Variants in SPAG16 observed in about 807,000 individuals in gnomAD.
SPAG16 encodes the protein sperm associated antigen 16.
A neutral mutation model predicts 80.4 loss-of-function variants in SPAG16; 86 were observed. The observed-to-expected ratio is 1.07, with a 90% CI of 0.90 to 1.28. The LOEUF (loss-of-function observed/expected upper bound fraction) is 1.28. Ranked by LOEUF, SPAG16 falls within the 50% of genes most tolerant of loss-of-function variation. The probability of loss-of-function intolerance (pLI) is 0.00; values close to 1 mark genes in which losing one functional copy is unlikely to be tolerated. For synonymous variants in SPAG16, 294 were observed against 265.9 expected, an observed-to-expected ratio of 1.11 and a Z score of -1.03; for missense variants, 870 against 765.3, an observed-to-expected ratio of 1.14 and a Z score of -1.61.
At chr2:213,783,067 TC>T (rs1357571360) in intron 10 of SPAG16, among the ~76,000 whole-genome samples, 5 of 117,448 alleles carry the variant, frequency 4.3e-5, no homozygotes, top group Non-Finnish European at 6.7e-5. Flanking sequence ...CCCACCACAG[TC>T]CCCAGAGTGT....
At chr2:214,277,695 A>T (rs1692577331) in intron 15 of SPAG16, among the ~76,000 whole-genome samples, 1 of 152,184 alleles carries the variant, frequency 6.6e-6, no homozygotes, top group African/African-American at 2.4e-5. Context: ...CCCAGAGGGG[A>T]ACCCACATGT....
intron 5 of SPAG16, among the ~76,000 whole-genome samples, chr2:213,334,993 G>A (rs951272031): frequency 6.6e-6 from 1 of 151,996 alleles, no homozygotes; most frequent in African/African-American, 2.4e-5. Flanking sequence ...GGGGATGGAT[G>A]CTCTATTTTC....
At chr2:213,383,601 A>G (rs1011215700) in intron 9 of SPAG16, among the ~76,000 whole-genome samples, 2 of 152,166 alleles carry the variant, frequency 1.3e-5, no homozygotes, top group African/African-American at 4.8e-5. Context: ...GGTTCCTATT[A>G]CAAGTTTGTA....
At chr2:213,386,104 A>G (rs1559479479) in intron 9 of SPAG16, among the ~76,000 whole-genome samples, 1 of 152,170 alleles carries the variant, frequency 6.6e-6, no homozygotes, top group Non-Finnish European at 1.5e-5. Flanking sequence ...AATAGTATCT[A>G]CATTTTACTA....
At chr2:213,898,616 G>A (rs6722672) in intron 11 of SPAG16, among the ~76,000 whole-genome samples, 36,692 of 151,972 alleles carry the variant, frequency 0.24, 4,984 homozygotes, top group South Asian at 0.37. Context: ...GAAAATTCAC[G>A]GACTTGGTTA....
intron 15 of SPAG16, among the ~76,000 whole-genome samples, chr2:214,350,045 T>C (rs897713209): frequency 6.6e-6 from 1 of 152,242 alleles, no homozygotes; most frequent in Admixed American, 6.5e-5. Context: ...CTCAAAACTT[T>C]ATGAGAACTG....
intron 10 of SPAG16, among the ~76,000 whole-genome samples, chr2:213,548,108 T>G (rs1460725354): frequency 1.3e-5 from 2 of 152,262 alleles, no homozygotes; most frequent in Admixed American, 1.3e-4. Flanking sequence ...GTCAAGTTCT[T>G]GTAATTTTGG....
At chr2:213,971,740 A>G (rs2045069956) in intron 12 of SPAG16, among the ~76,000 whole-genome samples, 1 of 152,154 alleles carries the variant, frequency 6.6e-6, no homozygotes, top group African/African-American at 2.4e-5. Context: ...GTACACATAC[A>G]TATGTTTAAC....
At chr2:213,728,914 A>G (rs2066904392) in intron 10 of SPAG16, among the ~76,000 whole-genome samples, 1 of 130,494 alleles carries the variant, frequency 7.7e-6, no homozygotes, top group Non-Finnish European at 1.7e-5. Flanking sequence ...AAAAAAAAAA[A>G]AAAAAAAGAT....
chr2:213,498,769 A>T lies in SPAG16; in HGVS notation c.1070+8679A>T, dbSNP rs1321099178. 2.6e-5 allele frequency among the ~76,000 whole-genome samples: 4 copies of T among 152,280 alleles called. No homozygotes were observed. The East Asian group carries it at 7.7e-4, about 29-fold the overall frequency. The stretch of plus-strand genomic sequence containing the variant: ...ATTATCATCCATATGGTCATCTAAG[A>T]TGACCTGTGAGTCTTTTTAACATCC... On this transcript the variant is annotated intron_variant, in intron 10 of 15. Coordinates refer to ENST00000331683, the MANE Select transcript of SPAG16 (RefSeq NM_024532.5).
At chr2:214,307,983 G>A (rs897762884) in intron 15 of SPAG16, among the ~76,000 whole-genome samples, 1 of 152,080 alleles carries the variant, frequency 6.6e-6, no homozygotes, top group Non-Finnish European at 1.5e-5. Context: ...TATCATCAAT[G>A]GGGTATTGAT....
chr2:214,401,616 T>C (rs1346165018), intron 15 of SPAG16, among the ~76,000 whole-genome samples: 2 of 151,950 alleles, frequency 1.3e-5, no homozygotes, highest in Non-Finnish European at 2.9e-5. Flanking sequence ...AGAAACGTAA[T>C]GATGTATTTC....
At chr2:214,102,187 T>C (rs1190413616) in intron 13 of SPAG16, among the ~76,000 whole-genome samples, 2 of 151,112 alleles carry the variant, frequency 1.3e-5, no homozygotes, top group Non-Finnish European at 2.9e-5. Flanking sequence ...AATAACTGTA[T>C]CGTATCTTAC....
At chr2:213,661,963 T>G (rs2063441726) in intron 10 of SPAG16, among the ~76,000 whole-genome samples, 1 of 152,194 alleles carries the variant, frequency 6.6e-6, no homozygotes, top group Non-Finnish European at 1.5e-5. Flanking sequence ...TTTATGATAC[T>G]TATGTATTAT....
chr2:214,140,449 C>T (rs1559838672), intron 14 of SPAG16, among the ~76,000 whole-genome samples: 1 of 151,882 alleles, frequency 6.6e-6, no homozygotes. Flanking sequence ...ATACTGTTTT[C>T]CATTTTAGAT....
chr2:214,329,682 A>C (rs925632514), intron 15 of SPAG16, among the ~76,000 whole-genome samples: 3 of 152,068 alleles, frequency 2.0e-5, no homozygotes, highest in Non-Finnish European at 4.4e-5. Flanking sequence ...TAAGTTTCAG[A>C]CTCTGGCATT....
chr2:213,768,236 A>G (rs2069048967), intron 10 of SPAG16, among the ~76,000 whole-genome samples: 1 of 152,200 alleles, frequency 6.6e-6, no homozygotes, highest in Non-Finnish European at 1.5e-5. Flanking sequence ...AGGAGCTAGA[A>G]AAAAGAGATA....
At chr2:213,863,927 TGTA>T (rs1489850961) in intron 11 of SPAG16, among the ~76,000 whole-genome samples, 1 of 152,190 alleles carries the variant, frequency 6.6e-6, no homozygotes, top group East Asian at 1.9e-4. Flanking sequence ...ACGGCAGAAT[TGTA>T]GTAAAATACT....
chr2:213,813,286 C>G (rs2072294803), intron 10 of SPAG16, among the ~76,000 whole-genome samples: 2 of 152,062 alleles, frequency 1.3e-5, no homozygotes, highest in African/African-American at 4.8e-5. Context: ...GGGTAAGAAG[C>G]AAAGAATAAA....
Sources: gnomAD v4.1 joint callset for allele counts (sites outside exome capture counted in the v4.1 genomes callset) on GRCh38, gnomAD v4.1.1 for gene constraint, MANE v1.5 for transcripts, NCBI Gene and HGNC (gene_info 2026-07-23, HGNC 2026-07-21) for gene names.